The following ZNF682 variants were observed in gnomAD, a reference collection of about 807,000 sequenced individuals.
ZNF682 encodes zinc finger protein 682.
In ZNF682, 29 loss-of-function variants were observed where a neutral mutation model predicts 36.5. The observed-to-expected ratio is 0.80, with a 90% CI of 0.59 to 1.08. The LOEUF (loss-of-function observed/expected upper bound fraction) is 1.08. Ranked by LOEUF, ZNF682 falls within the 50% of genes least tolerant of loss-of-function variation. The probability of loss-of-function intolerance (pLI) is 0.00; values close to 1 mark genes in which losing one functional copy is unlikely to be tolerated. For missense variants in ZNF682, 561 were observed against 579.7 expected (o/e 0.97, Z 0.33); for synonymous variants, 180 against 197.0 (o/e 0.91, Z 0.72).
At chr19:20,015,305 T>A in intron 3 of ZNF682, 2 of 985,214 alleles carry the variant, frequency 2.0e-6, no homozygotes, top group Non-Finnish European at 2.4e-6. Flanking sequence ...CCAACAAAAA[T>A]GTAAATATAA....
Position 20,015,908 on chromosome 19 carries a change from G to A in ZNF682, c.226+7096C>T, listed in dbSNP as rs1599608071. On this transcript the variant is annotated intron_variant, in intron 3 of 3. Coordinates refer to ENST00000397165, the MANE Select transcript of ZNF682 (RefSeq NM_033196.3). ...AACAATATAAATATTGTAAAATACG[G>A]TATAAAACACTGATTATGAATTAGG... 5 of 396,204 alleles carry A rather than the reference G, an allele frequency of 1.3e-5. No individual in the cohort carries two copies. The East Asian group carries it at 1.8e-4, about 14-fold the overall frequency. 24.5% of individuals were successfully genotyped at this position (396,204 alleles called of 1,614,324 possible). A position where few individuals can be genotyped will look rare whatever the true frequency, so the allele number is the denominator to read the frequency against.
chr19:20,039,091 C>T, intron 1 of ZNF682: 1 of 1,344,080 alleles, frequency 7.4e-7, no homozygotes, highest in Non-Finnish European at 9.7e-7. Flanking sequence ...AGAACGCGCG[C>T]GGCTCTTCCC....
In ZNF682 at chr19:20,024,263, G is replaced by T; in HGVS notation, c.117C>A (p.Asn39Lys). 6.2e-7 allele frequency: 1 copy of T among 1,613,816 alleles called. No individual in the cohort carries two copies. Among genetic ancestry groups the T allele is most frequent in the Non-Finnish European group, 8.5e-7 (1 of 1,179,918 alleles). The change falls in exon 2 of 4, where the codon AAC becomes AAA. Residue 39 changes from asparagine (N) to lysine (K), a missense_variant. By Grantham distance (94) the Asn-to-Lys change is moderately conservative. Transcript: ENST00000397165. ...YRKVMLENYRNLVSLGLTVSK... is the reference protein window; with the variant it reads ...YRKVMLENYRKLVSLGLTVSK... ...AGTTATTCTCACCCAGAGAGACCAG[G>T]TTTCTGTAGTTCTCTAGCATCACTT...
At chr19:19,998,853 A>G (rs2088144447) in intron 3 of ZNF682, among the ~76,000 whole-genome samples, 1 of 152,118 alleles carries the variant, frequency 6.6e-6, no homozygotes, top group South Asian at 2.1e-4. Context: ...AGAAAAACAC[A>G]AAAAGAGAGA....
chr19:20,006,928 TATG>T lies in ZNF682; in HGVS notation c.571_573del (p.His191del), dbSNP rs1235381859. ...AGTTTCTCTTCAGTGTGAATTATCT[TATG>T]ATAAGAAAGGCCTGAGTGAGATTTA... On this transcript the variant is annotated inframe_deletion, in exon 4 of 4. Coordinates refer to ENST00000397165, the MANE Select transcript of ZNF682 (RefSeq NM_033196.3). 1 of 1,613,814 alleles carries T rather than the reference TATG, an allele frequency of 6.2e-7. No individual in the cohort carries two copies. Among genetic ancestry groups the T allele is most frequent in the Non-Finnish European group, 8.5e-7 (1 of 1,179,824 alleles).
chr19:20,015,616 T>C (rs2088327929), intron 3 of ZNF682: 1 of 177,660 alleles, frequency 5.6e-6, no homozygotes, highest in East Asian at 1.9e-4. Flanking sequence ...AGAATTCTTC[T>C]AGATAGCTAC....
intron 1 of ZNF682, among the ~76,000 whole-genome samples, chr19:20,026,635 T>C (rs546518530): frequency 6.6e-6 from 1 of 152,134 alleles, no homozygotes; most frequent in South Asian, 2.1e-4. Context: ...TGGCTAATTT[T>C]TTGGGTTTTT....
intron 1 of ZNF682, among the ~76,000 whole-genome samples, chr19:20,037,762 C>T (rs1036996115): frequency 5.9e-5 from 9 of 152,198 alleles, no homozygotes; most frequent in African/African-American, 1.7e-4. Flanking sequence ...CTTCACCAAT[C>T]TGAGAAAATT....
chr19:20,027,036 C>T (rs897601279), intron 1 of ZNF682, among the ~76,000 whole-genome samples: 2 of 152,146 alleles, frequency 1.3e-5, no homozygotes, highest in African/African-American at 4.8e-5. Context: ...CATTCAAGAA[C>T]GAAAAGAGAA....
chr19:20,025,614 T>A (rs1342745631), intron 1 of ZNF682, among the ~76,000 whole-genome samples: 1 of 151,498 alleles, frequency 6.6e-6, no homozygotes, highest in Non-Finnish European at 1.5e-5. Context: ...GAGGCGGAGA[T>A]TGCAGTGAGC....
chr19:20,022,995 C>A lies in ZNF682; in HGVS notation c.226+9G>T. 1.2e-6 allele frequency: 2 copies of A among 1,612,008 alleles called. No individual in the cohort carries two copies. Among genetic ancestry groups the A allele is most frequent in the African/African-American group, 2.7e-5 (2 of 74,950 alleles). The stretch of plus-strand genomic sequence containing the variant: ...CACCTGTGGCATGTGTTTCATTCAT[C>A]CAACCTACCTGGGGGTTTGGCTATG... On this transcript the variant is annotated intron_variant, in intron 3 of 3. Coordinates refer to ENST00000397165, the MANE Select transcript of ZNF682 (RefSeq NM_033196.3).
chr19:20,024,163 AG>A, intron 2 of ZNF682, 86 bp downstream of exon 2: 1 of 1,512,912 alleles, frequency 6.6e-7, no homozygotes, highest in Non-Finnish European at 9.1e-7. Flanking sequence ...ATTTATACAA[AG>A]CAGAAATCCC....
At chr19:20,017,273 C>T (rs1362237218) in intron 3 of ZNF682, among the ~76,000 whole-genome samples, 1 of 152,070 alleles carries the variant, frequency 6.6e-6, no homozygotes, top group Non-Finnish European at 1.5e-5. Context: ...AGTAAAATAG[C>T]TGAATGAGTT....
rs1180566640 is a variant in ZNF682, at chr19:20,024,377, C to G, written c.4-1G>C. On this transcript the variant is annotated splice_acceptor_variant, in intron 1 of 3. Coordinates refer to ENST00000397165, the MANE Select transcript of ZNF682 (RefSeq NM_033196.3). LOFTEE classifies it high-confidence loss of function. ...TCACATCCCTGAATGTCAACAGTTC[C>G]TGAAAAACAAAACAAAACATAGTGA... is the stretch of plus-strand genomic sequence containing the variant. 6.2e-7 allele frequency: 1 copy of G among 1,605,398 alleles called. No individual in the cohort carries two copies. Among genetic ancestry groups the G allele is most frequent in the African/African-American group, 1.3e-5 (1 of 74,342 alleles).
intron 3 of ZNF682, chr19:20,008,064 G>C (rs1217522185): frequency 6.6e-6 from 1 of 152,344 alleles, no homozygotes; most frequent in Non-Finnish European, 1.5e-5. Context: ...CAAAGGGCCA[G>C]AGGACAAATC....
chr19:20,006,915 G>T lies in ZNF682; in HGVS notation c.587C>A (p.Thr196Asn). The T allele has an allele frequency of 1.2e-6, 2 of 1,613,970 alleles. No individual in the cohort carries two copies. The highest frequency in any genetic ancestry group is 1.7e-6 in the Non-Finnish European group (2 of 1,179,894). Reference sequence around the variant, plus strand: ...CTCACATATGCAGAGTTTCTCTTCAGTGTGAATTATCTTATGATAAGAAAG... The same window carrying T: ...CTCACATATGCAGAGTTTCTCTTCATTGTGAATTATCTTATGATAAGAAAG... ...SGLSYHKIIH[T>N]EEKLCICEEC... Residue 196 changes from threonine to asparagine, a missense_variant, in exon 4 of 4, where the codon ACT (threonine) becomes AAT (asparagine). Thr to Asn is a moderately conservative substitution (Grantham distance 65). Transcript: ENST00000397165.
chr19:20,039,453 G>T lies in ZNF682; in HGVS notation c.-108C>A, dbSNP rs1021192309. On this transcript the variant is annotated 5_prime_UTR_variant, in exon 1 of 4. Transcript: ENST00000397165. ...GTCACCGGGAACTACTAGAGCAGAGGATACTAAGCAATGAAGATGGACCCT... is the reference window on the plus strand; with the variant it reads ...GTCACCGGGAACTACTAGAGCAGAGTATACTAAGCAATGAAGATGGACCCT... 59 of 1,469,302 alleles carry T rather than the reference G, an allele frequency of 4.0e-5. No homozygotes were observed. Among genetic ancestry groups the T allele is most frequent in the Non-Finnish European group, 5.2e-5 (56 of 1,072,244 alleles). 91.0% of individuals were successfully genotyped at this position (1,469,302 alleles called of 1,614,324 possible). A position where few individuals can be genotyped will look rare whatever the true frequency, so the allele number is the denominator to read the frequency against.
At chr19:20,025,763 T>C (rs2088426097) in intron 1 of ZNF682, among the ~76,000 whole-genome samples, 2 of 150,786 alleles carry the variant, frequency 1.3e-5, no homozygotes, top group Middle Eastern at 3.5e-3. Flanking sequence ...GGGCAGACAA[T>C]CATCAGAGCT....
chr19:19,998,511 C>A (rs796367169), intron 3 of ZNF682, among the ~76,000 whole-genome samples: 1 of 152,160 alleles, frequency 6.6e-6, no homozygotes, highest in African/African-American at 2.4e-5. Flanking sequence ...AACTTAGCAC[C>A]TTTCAACAAC....
Sources: allele counts gnomAD v4.1 joint callset (sites outside exome capture counted in the v4.1 genomes callset), GRCh38; gene constraint gnomAD v4.1.1; transcripts MANE v1.5; gene names NCBI Gene and HGNC (gene_info 2026-07-23, HGNC 2026-07-21).